Variants in LINGO2 observed in about 807,000 individuals in gnomAD.
LINGO2 encodes leucine rich repeat and Ig domain containing 2.
Under a neutral mutation model 30.6 loss-of-function variants are expected in LINGO2, and 14 were observed. That is an observed-to-expected ratio of 0.46 (90% CI 0.30 to 0.72). The LOEUF is 0.72. LINGO2 is among the 30% of genes least tolerant of loss of function. LINGO2 has a pLI of 0.07. For missense variants in LINGO2, 729 were observed against 751.7 expected (o/e 0.97, Z 0.35); for synonymous variants, 317 against 288.5 (o/e 1.10, Z -1.00).
At chr9:28,688,768 A>G in the LINGO2 span, among the ~76,000 whole-genome samples, 2 of 152,210 alleles carry the variant, frequency 1.3e-5, no homozygotes, top group Non-Finnish European at 2.9e-5. Context: ...AGTCACTTTC[A>G]TGGTACTAAC....
intron 4 of LINGO2, among the ~76,000 whole-genome samples, chr9:28,053,712 T>C (rs998523606): frequency 2.6e-5 from 4 of 152,064 alleles, no homozygotes; most frequent in Admixed American, 2.0e-4. Flanking sequence ...CTTGATATAA[T>C]AGGTCTATAT....
chr9:28,847,938 T>C, the LINGO2 span, among the ~76,000 whole-genome samples: 1 of 100,326 alleles, frequency 1.0e-5, no homozygotes, highest in Non-Finnish European at 2.0e-5. Flanking sequence ...TATACAAATA[T>C]ATATGTATGC....
intron 3 of LINGO2, among the ~76,000 whole-genome samples, chr9:28,300,574 T>C (rs1824104030): frequency 6.6e-6 from 1 of 152,144 alleles, no homozygotes; most frequent in Admixed American, 6.5e-5. Flanking sequence ...GAAACTTGCC[T>C]CTGTCCTTTT....
At chr9:28,890,015 T>C in the LINGO2 span, among the ~76,000 whole-genome samples, 1 of 152,190 alleles carries the variant, frequency 6.6e-6, no homozygotes, top group East Asian at 1.9e-4. Context: ...TCTCTGTCCA[T>C]AAAGGTTCCC....
intron 1 of LINGO2, among the ~76,000 whole-genome samples, chr9:28,622,292 TCCTAATCCCCC>T (rs146008345): frequency 0.057 from 8,630 of 152,054 alleles, 376 homozygotes; most frequent in Non-Finnish European, 0.088. Context: ...CCCAACTTCC[TCCTAATCCCCC>T]AATACCCTCC....
chr9:27,938,491 T>C, the LINGO2 span: 1 of 152,188 alleles, frequency 6.6e-6, no homozygotes, highest in Non-Finnish European at 1.5e-5. Context: ...TTAAGTAGCT[T>C]GCCCATAAAG....
intron 1 of LINGO2, among the ~76,000 whole-genome samples, chr9:28,477,144 C>G (rs1422354574): frequency 6.6e-6 from 1 of 152,140 alleles, no homozygotes; most frequent in Non-Finnish European, 1.5e-5. Context: ...ATTAGAATGT[C>G]AATCACTTTC....
the LINGO2 span, among the ~76,000 whole-genome samples, chr9:28,954,070 G>C: frequency 6.6e-6 from 1 of 152,072 alleles, no homozygotes; most frequent in East Asian, 1.9e-4. Context: ...GTAGCACAAA[G>C]AATTTTCAAA....
chr9:28,005,551 ACTT>A (rs1481758867), intron 5 of LINGO2, among the ~76,000 whole-genome samples: 5 of 152,082 alleles, frequency 3.3e-5, no homozygotes, highest in African/African-American at 1.2e-4. Context: ...AAATTGATAT[ACTT>A]ATTTTTTAAG....
At chr9:27,947,365 T>C (rs556487396), downstream of LINGO2, among the ~76,000 whole-genome samples, 13 of 152,252 alleles carry the variant, frequency 8.5e-5, 1 homozygote, top group South Asian at 1.2e-3. Flanking sequence ...ATTGGATAAG[T>C]ATCCTTGGGT....
intron 2 of LINGO2, among the ~76,000 whole-genome samples, chr9:28,405,360 T>C (rs1259578516): frequency 2.6e-5 from 4 of 152,166 alleles, no homozygotes; most frequent in African/African-American, 9.7e-5. Flanking sequence ...CTGAAACCTC[T>C]ATCATAGTTA....
At chr9:29,063,587 T>C in the LINGO2 span, among the ~76,000 whole-genome samples, 1 of 151,728 alleles carries the variant, frequency 6.6e-6, no homozygotes, top group East Asian at 1.9e-4. Context: ...TTCATAGAGA[T>C]GGGGGTTTCA....
intron 2 of LINGO2, among the ~76,000 whole-genome samples, chr9:28,424,023 C>G (rs1028074866): frequency 6.6e-6 from 1 of 152,156 alleles, no homozygotes; most frequent in African/African-American, 2.4e-5. Context: ...AGTGTTAAGA[C>G]TGGTATTATG....
At chr9:28,951,876 A>G in the LINGO2 span, among the ~76,000 whole-genome samples, 1 of 152,162 alleles carries the variant, frequency 6.6e-6, no homozygotes, top group South Asian at 2.1e-4. Flanking sequence ...AACAACAAGT[A>G]TGGGACAAAG....
intron 4 of LINGO2, among the ~76,000 whole-genome samples, chr9:28,013,938 A>G (rs1822687370): frequency 6.6e-6 from 1 of 152,196 alleles, no homozygotes. Context: ...TTCTTTCTGC[A>G]GTTCCTAGAA....
the LINGO2 span, among the ~76,000 whole-genome samples, chr9:28,867,379 A>G: frequency 1.3e-5 from 2 of 152,138 alleles, no homozygotes; most frequent in African/African-American, 4.8e-5. Flanking sequence ...TTGAAAATAA[A>G]CAATGCAAGT....
chr9:28,043,397 A>AT (rs1433626171), intron 4 of LINGO2, among the ~76,000 whole-genome samples: 2 of 152,124 alleles, frequency 1.3e-5, no homozygotes, highest in Admixed American at 1.3e-4. Context: ...ATTGAGGAAG[A>AT]TTTTTCATCT....
chr9:28,386,866 T>C (rs536078965), intron 2 of LINGO2, among the ~76,000 whole-genome samples: 5 of 152,324 alleles, frequency 3.3e-5, no homozygotes, highest in Admixed American at 3.3e-4. Context: ...ATAAGAAGAA[T>C]ATCAAGCAGT....
chr9:29,085,955 A>C, the LINGO2 span, among the ~76,000 whole-genome samples: 1 of 152,246 alleles, frequency 6.6e-6, no homozygotes, highest in South Asian at 2.1e-4. Flanking sequence ...ATCATAGCTA[A>C]GTGCATTTGT....
Sources: allele counts gnomAD v4.1 joint callset (sites outside exome capture counted in the v4.1 genomes callset), GRCh38; gene constraint gnomAD v4.1.1; transcripts MANE v1.5; gene names NCBI Gene and HGNC (gene_info 2026-07-23, HGNC 2026-07-21).